COPG2: variants seen among roughly 807,000 people sequenced by gnomAD.
The protein encoded by COPG2 is coat protein complex I subunit gamma 2, also known as coatomer subunit gamma-2.
A neutral mutation model predicts 46.3 loss-of-function variants in COPG2; 37 were observed. The ratio of observed to expected loss-of-function variants is 0.80; its 90% CI spans 0.61 to 1.05. The LOEUF is 1.05. Ranked by LOEUF, COPG2 falls within the 50% of genes least tolerant of loss-of-function variation. The probability of loss-of-function intolerance (pLI) is 0.00; values close to 1 mark genes in which losing one functional copy is unlikely to be tolerated. For missense variants in COPG2, 427 were observed against 387.8 expected (o/e 1.10, Z -0.85); for synonymous variants, 159 against 129.7 (o/e 1.23, Z -1.53).
At chr7:130,515,672 A>C (rs2116341103) in intron 20 of COPG2, among the ~76,000 whole-genome samples, 2 of 152,242 alleles carry the variant, frequency 1.3e-5, no homozygotes, top group East Asian at 1.9e-4. Flanking sequence ...AAATTAAAAG[A>C]AGCAACTGAA....
intron 20 of COPG2, among the ~76,000 whole-genome samples, chr7:130,521,319 G>T (rs1799721393): frequency 6.6e-6 from 1 of 152,332 alleles, no homozygotes; most frequent in African/African-American, 2.4e-5. Flanking sequence ...CACATTCAGT[G>T]AAGTGGACAT....
chr7:130,628,069 A>G (rs1249169243), intron 5 of COPG2, among the ~76,000 whole-genome samples: 3 of 152,202 alleles, frequency 2.0e-5, no homozygotes, highest in Non-Finnish European at 4.4e-5. Flanking sequence ...CATTATTAAT[A>G]TAATTACTGA....
chr7:130,511,663 A>G, intron 20 of COPG2: 1 of 515,166 alleles, frequency 1.9e-6, no homozygotes, highest in South Asian at 1.4e-5. Context: ...AGAGTATGAA[A>G]TAAGAGACTG....
At chr7:130,650,652 A>G (rs1184763977) in intron 5 of COPG2, among the ~76,000 whole-genome samples, 1 of 152,148 alleles carries the variant, frequency 6.6e-6, no homozygotes, top group Non-Finnish European at 1.5e-5. Context: ...GCTATAAAAT[A>G]CTAAATACTC....
chr7:130,525,778 C>A (rs1214133165), intron 20 of COPG2, among the ~76,000 whole-genome samples: 3 of 152,014 alleles, frequency 2.0e-5, no homozygotes, highest in Admixed American at 6.5e-5. Flanking sequence ...TGGCCAAGGA[C>A]TGGAGAGAGC....
At chr7:130,657,553 T>G (rs570476198) in intron 4 of COPG2, among the ~76,000 whole-genome samples, 3 of 149,764 alleles carry the variant, frequency 2.0e-5, no homozygotes, top group Non-Finnish European at 4.4e-5. Context: ...TCATCAAAAT[T>G]TAAAACTTCT....
intron 9 of COPG2, chr7:130,610,484 A>G (rs371687805): frequency 7.8e-6 from 4 of 515,718 alleles, no homozygotes; most frequent in Admixed American, 2.0e-5. Context: ...CCAGCTTACT[A>G]TACCTCAAAA....
intron 9 of COPG2, among the ~76,000 whole-genome samples, chr7:130,568,263 G>A (rs1793837861): frequency 6.6e-6 from 1 of 151,914 alleles, no homozygotes; most frequent in Non-Finnish European, 1.5e-5. Flanking sequence ...CAACAGGAGC[G>A]AAACTCTGTC....
At chr7:130,630,418 T>C (rs572992148) in intron 5 of COPG2, among the ~76,000 whole-genome samples, 116 of 152,352 alleles carry the variant, frequency 7.6e-4, no homozygotes, top group Middle Eastern at 3.4e-3. Context: ...GCAAATTTGC[T>C]AAGCTCACTT....
At chr7:130,512,168 A>C (rs1165261620) in intron 20 of COPG2, among the ~76,000 whole-genome samples, 2 of 151,570 alleles carry the variant, frequency 1.3e-5, no homozygotes, top group African/African-American at 4.8e-5. Flanking sequence ...CAGGAGGCAG[A>C]GGTTGTGGTA....
chr7:130,513,310 T>G (rs1364233091), intron 20 of COPG2, among the ~76,000 whole-genome samples: 3 of 39,804 alleles, frequency 7.5e-5, no homozygotes, highest in African/African-American at 9.4e-5. Context: ...AAAAAAAAAA[T>G]ATATATATAT....
At chr7:130,590,135 T>C (rs1458232104) in intron 9 of COPG2, among the ~76,000 whole-genome samples, 2 of 152,176 alleles carry the variant, frequency 1.3e-5, no homozygotes, top group Non-Finnish European at 2.9e-5. Flanking sequence ...TATAACCTAT[T>C]TTTATGAATG....
chr7:130,529,928 G>A (rs1368215216), intron 20 of COPG2, among the ~76,000 whole-genome samples: 3 of 151,738 alleles, frequency 2.0e-5, no homozygotes, highest in Non-Finnish European at 4.4e-5. Context: ...CAAAATATAC[G>A]CAGAGGTTCA....
chr7:130,561,747 T>C (rs1793725119), intron 11 of COPG2, among the ~76,000 whole-genome samples: 1 of 152,170 alleles, frequency 6.6e-6, no homozygotes, highest in African/African-American at 2.4e-5. Context: ...ATGGAATCCC[T>C]TACCCACAAT....
intron 9 of COPG2, among the ~76,000 whole-genome samples, chr7:130,586,462 GA>G (rs1331132521): frequency 5.3e-5 from 8 of 151,330 alleles, no homozygotes; most frequent in East Asian, 1.9e-4. Context: ...ATAACTTATG[GA>G]AAAAAAAATT....
intron 20 of COPG2, among the ~76,000 whole-genome samples, chr7:130,536,364 C>G (rs1431737776): frequency 1.3e-5 from 2 of 151,900 alleles, no homozygotes; most frequent in Non-Finnish European, 2.9e-5. Context: ...TGATTCTTAT[C>G]TGGGGTTGAG....
At chr7:130,662,688 C>T (rs1179805655) in intron 4 of COPG2, among the ~76,000 whole-genome samples, 1 of 152,200 alleles carries the variant, frequency 6.6e-6, no homozygotes, top group Non-Finnish European at 1.5e-5. Context: ...TAGCTATGTG[C>T]ACTGACTTCT....
At chr7:130,569,013 A>G (rs1248345436) in intron 9 of COPG2, among the ~76,000 whole-genome samples, 1 of 152,176 alleles carries the variant, frequency 6.6e-6, no homozygotes, top group Non-Finnish European at 1.5e-5. Context: ...TTTGAACTGA[A>G]CAATAATAGT....
intron 5 of COPG2, among the ~76,000 whole-genome samples, chr7:130,652,361 A>G (rs1382029341): frequency 6.6e-6 from 1 of 152,220 alleles, no homozygotes; most frequent in Non-Finnish European, 1.5e-5. Flanking sequence ...TCCCTTACAC[A>G]AGTACTGAAT....
Sources: gnomAD v4.1 joint callset for allele counts (sites outside exome capture counted in the v4.1 genomes callset) on GRCh38, gnomAD v4.1.1 for gene constraint, MANE v1.5 for transcripts, NCBI Gene and HGNC (gene_info 2026-07-23, HGNC 2026-07-21) for gene names.